Variants in XRCC5 observed in about 807,000 individuals in gnomAD.
XRCC5 encodes X-ray repair cross complementing 5.
Under a neutral mutation model 95.7 loss-of-function variants are expected in XRCC5, and 12 were observed. That is an observed-to-expected ratio of 0.13 (90% CI 0.08 to 0.20). The LOEUF is 0.20. Among genes scored for constraint, XRCC5 ranks in the 10% least tolerant of loss-of-function variants. The pLI is 1.00. For missense variants in XRCC5, 595 were observed against 873.9 expected, an observed-to-expected ratio of 0.68 and a Z score of 4.02; for synonymous variants, 281 against 290.3, an observed-to-expected ratio of 0.97 and a Z score of 0.33.
chr2:216,162,336 G>T (rs921490681), intron 16 of XRCC5, among the ~76,000 whole-genome samples: 1 of 151,928 alleles, frequency 6.6e-6, no homozygotes, highest in African/African-American at 2.4e-5. Context: ...AGTTTTTTAG[G>T]ATTTTGTCGT....
At chr2:216,171,746 T>A (rs1689169852) in intron 16 of XRCC5, among the ~76,000 whole-genome samples, 1 of 152,362 alleles carries the variant, frequency 6.6e-6, no homozygotes, top group African/African-American at 2.4e-5. Flanking sequence ...GAGAGTAAGA[T>A]ACACTGTCTA....
chr2:216,201,979 C>T (rs569098077), intron 19 of XRCC5, among the ~76,000 whole-genome samples: 7 of 152,312 alleles, frequency 4.6e-5, no homozygotes, highest in Middle Eastern at 3.4e-3. Context: ...CAGTTGCAGA[C>T]GATACTTAGC....
chr2:216,139,575 AT>A (rs1316920585), intron 12 of XRCC5, among the ~76,000 whole-genome samples: 1 of 152,136 alleles, frequency 6.6e-6, no homozygotes, highest in East Asian at 1.9e-4. Context: ...TCAAGTTGAG[AT>A]TTGGGTGGGG....
Position 216,113,001 on chromosome 2 carries a change from G to C in XRCC5, c.22-15G>C. 6.2e-7 allele frequency: 1 copy of C among 1,602,298 alleles called. No individual in the cohort carries two copies. Among genetic ancestry groups the C allele is most frequent in the Non-Finnish European group, 8.5e-7 (1 of 1,171,842 alleles). The stretch of plus-strand genomic sequence containing the variant: ...GACTTATTTTCTCAAACACTCTTTG[G>C]AACTTTGTTTCCAGGCAGCTGTTGT... On this transcript the variant is annotated splice_polypyrimidine_tract_variant and intron_variant, in intron 1 of 20. Transcript: ENST00000392132.
intron 2 of XRCC5, among the ~76,000 whole-genome samples, chr2:216,115,809 G>A (rs972342128): frequency 1.6e-5 from 2 of 128,874 alleles, no homozygotes; most frequent in Non-Finnish European, 3.7e-5. Flanking sequence ...ATATTTGTTT[G>A]ATTTTTTTTT....
intron 10 of XRCC5, among the ~76,000 whole-genome samples, chr2:216,133,803 A>G (rs1163988814): frequency 6.6e-6 from 1 of 152,202 alleles, no homozygotes; most frequent in Non-Finnish European, 1.5e-5. Flanking sequence ...GGAGCTTCTG[A>G]GATAAGCAAG....
At chr2:216,112,443 ATCTG>A (rs1247769834) in intron 1 of XRCC5, among the ~76,000 whole-genome samples, 14 of 152,262 alleles carry the variant, frequency 9.2e-5, no homozygotes, top group Admixed American at 5.2e-4. Flanking sequence ...ATTATTTGTT[ATCTG>A]TCTGTGTCCT....
At chr2:216,140,809 C>T (rs1014077770) in intron 12 of XRCC5, among the ~76,000 whole-genome samples, 2 of 152,106 alleles carry the variant, frequency 1.3e-5, no homozygotes, top group East Asian at 3.8e-4. Flanking sequence ...TGTTTTTCTT[C>T]TTTAGCTAAT....
rs557467402 is a variant in XRCC5 at position 216,172,331 on chromosome 2, C to T, written c.1834+10283C>T. 2.6e-5 allele frequency among the ~76,000 whole-genome samples: 4 copies of T among 152,042 alleles called. No individual in the cohort carries two copies. In the South Asian group the frequency reaches 8.3e-4, roughly 32 times the overall value. On this transcript the variant is annotated intron_variant, in intron 16 of 20. Transcript: ENST00000392132. ...ACTAAAAAGTTAATACAAAGGGCCT[C>T]AGAAGGAAAAGTTTAAGAAAAAAAG... is the stretch of plus-strand genomic sequence containing the variant.
At chr2:216,191,676 G>C (rs1407168505) in intron 17 of XRCC5, among the ~76,000 whole-genome samples, 2 of 152,148 alleles carry the variant, frequency 1.3e-5, no homozygotes, top group African/African-American at 4.8e-5. Flanking sequence ...CTCCCAGAGT[G>C]CTGGGATTAC....
chr2:216,120,567 T>A lies in XRCC5; in HGVS notation c.491+1402T>A, dbSNP rs530794226. Among the ~76,000 whole-genome samples, 6 of 152,268 alleles carry A rather than the reference T, an allele frequency of 3.9e-5. No homozygotes were observed. The South Asian group carries it at 1.2e-3, about 32-fold the overall frequency. On this transcript the variant is annotated intron_variant, in intron 5 of 20. Coordinates refer to ENST00000392132, the MANE Select transcript of XRCC5 (RefSeq NM_021141.4). ...CAGCTCAGAGAAGCCCTGTGTTCTG[T>A]TTTTAATTTATTTTTAATTTTTTTT...
intron 13 of XRCC5, among the ~76,000 whole-genome samples, chr2:216,143,768 C>T (rs932135411): frequency 3.3e-5 from 5 of 150,954 alleles, no homozygotes; most frequent in East Asian, 3.9e-4. Context: ...AGTGCAGTGG[C>T]GTGATCTTGG....
intron 4 of XRCC5, 99 bp from the exon 5 acceptor site, chr2:216,118,944 C>T: frequency 7.9e-7 from 1 of 1,260,290 alleles, no homozygotes; most frequent in Non-Finnish European, 1.1e-6. Flanking sequence ...AACTCTAGAT[C>T]CATTTCTAAG....
At chr2:216,201,194 G>C (rs752132656) in intron 19 of XRCC5, among the ~76,000 whole-genome samples, 1 of 152,222 alleles carries the variant, frequency 6.6e-6, no homozygotes, top group Non-Finnish European at 1.5e-5. Flanking sequence ...CACCATGTTA[G>C]TGTTTATAGC....
At position 216,113,079 on chromosome 2, in the gene XRCC5, T is replaced by G; in HGVS notation, c.85T>G (p.Ser29Ala). The G allele has an allele frequency of 1.2e-6, 2 of 1,614,070 alleles. No homozygotes were observed. The highest frequency in any genetic ancestry group is 3.3e-5 in the Admixed American group (2 of 60,022). The change falls in exon 2 of 21, where the codon TCC becomes GCC. Residue 29 changes from serine (S) to alanine (A), a missense_variant. Coordinates refer to ENST00000392132, the MANE Select transcript of XRCC5 (RefSeq NM_021141.4). ...TMSNSIPGIE[S>A]PFEQAKKVIT... ...GAGTAACTCCATTCCTGGTATAGAA[T>G]CCCCATTTGAACAAGCAAAGAAGGT...
At chr2:216,116,933 C>A in intron 3 of XRCC5, 91 bp downstream of exon 3, 1 of 1,423,848 alleles carries the variant, frequency 7.0e-7, no homozygotes, top group South Asian at 1.3e-5. Context: ...AGAGTTTCAG[C>A]TATGAGTATA....
intron 14 of XRCC5, among the ~76,000 whole-genome samples, chr2:216,157,513 A>C (rs1237840741): frequency 5.3e-5 from 8 of 152,082 alleles, no homozygotes; most frequent in Non-Finnish European, 1.5e-5. Flanking sequence ...GATTACAGGC[A>C]TGAGCCACCA....
At chr2:216,118,932 T>G (rs1156738335) in intron 4 of XRCC5, 111 bp from the exon 5 acceptor site, 6 of 1,129,864 alleles carry the variant, frequency 5.3e-6, no homozygotes, top group Non-Finnish European at 6.4e-6. Flanking sequence ...ATCACATTTA[T>G]TAACTCTAGA....
At chr2:216,110,247 AT>A (rs34388243) in intron 1 of XRCC5, among the ~76,000 whole-genome samples, 60,172 of 150,166 alleles carry the variant, frequency 0.4, 13,307 homozygotes, top group East Asian at 0.67. Context: ...TTTTAAAGTG[AT>A]TTTTTTTTTT....
Sources: allele counts gnomAD v4.1 joint callset (sites outside exome capture counted in the v4.1 genomes callset), GRCh38; gene constraint gnomAD v4.1.1; transcripts MANE v1.5; gene names NCBI Gene and HGNC (gene_info 2026-07-23, HGNC 2026-07-21).